PNMA3: variants seen among roughly 807,000 people sequenced by gnomAD.
PNMA3 encodes the protein PNMA family member 3.
A neutral mutation model predicts 25.1 loss-of-function variants in PNMA3; 10 were observed. The observed-to-expected ratio is 0.40, with a 90% CI of 0.25 to 0.68. PNMA3 has a LOEUF of 0.68. PNMA3 is among the 30% of genes least tolerant of loss of function. The probability of loss-of-function intolerance (pLI) is 0.40; values close to 1 mark genes in which losing one functional copy is unlikely to be tolerated. For synonymous variants in PNMA3, 134 were observed against 148.7 expected (o/e 0.90, Z 0.72); for missense variants, 317 against 372.1 (o/e 0.85, Z 1.22).
rs898039942 is a variant in PNMA3 at position 153,057,171 on chromosome X, T to G, written c.116T>G (p.Leu39Arg). The G allele has an allele frequency of 2.5e-6, 3 of 1,211,625 alleles. No individual in the cohort carries two copies. The Admixed American group carries it at 6.5e-5, about 26-fold the overall frequency. ...DCGEDEFEETLQEACRHLGRY... is the reference protein window; with the variant it reads ...DCGEDEFEETRQEACRHLGRY... ...GGCGAGGATGAGTTTGAGGAGACAC[T>G]CCAGGAGGCTTGCAGGCACCTGGGC... The change falls in exon 2 of 2, where the codon CTC becomes CGC. Residue 39 changes from leucine to arginine, a missense_variant. Coordinates refer to ENST00000593810, the MANE Select transcript of PNMA3 (RefSeq NM_013364.6).
rs782584930 is a variant in PNMA3, at chrX:153,058,342, C to T, written c.1287C>T (p.Asn429=). ...EDGHIRVQCI[N]PSNLLLVKQK... is the part of the protein sequence containing the mutation. ...GCCACATCAGGGTACAGTGCATCAA[C>T]CCCTCCAACCTGCTCTTGGTAAAGC... Residue 429 remains asparagine (N), a synonymous_variant, in exon 2 of 2, where the codon AAC becomes AAT. Transcript: ENST00000593810. 5 of 1,210,642 alleles carry T rather than the reference C, an allele frequency of 4.1e-6. No homozygotes were observed. The African/African-American group carries it at 5.2e-5, about 13-fold the overall frequency.
At position 153,058,199 on chromosome X, in the gene PNMA3, G is replaced by C; in HGVS notation, c.1144G>C (p.Gly382Arg). ...GNSFDARPSQ[G>R]YRRRRGRGQH... is the part of the protein sequence containing the mutation. ...CAGTTTTGATGCGAGGCCTTCCCAG[G>C]GCTACCGGCGCCGGAGGGGCAGAGG... Residue 382 changes from glycine (G) to arginine (R), a missense_variant, in exon 2 of 2, where the codon GGC becomes CGC. Physicochemically the swap from Gly to Arg is moderately radical, Grantham distance 125. Transcript: ENST00000593810. 1 of 1,211,865 alleles carries C rather than the reference G, an allele frequency of 8.3e-7. No homozygotes were observed. Among genetic ancestry groups the C allele is most frequent in the Non-Finnish European group, 1.1e-6 (1 of 895,440 alleles).
chrX:153,058,761 A>T lies in PNMA3; in HGVS notation c.*314A>T, dbSNP rs782189985. 1 of 524,621 alleles carries T rather than the reference A, an allele frequency of 1.9e-6. No homozygotes were observed. The highest frequency in any genetic ancestry group is 3.1e-6 in the Non-Finnish European group (1 of 320,118). 43.2% of individuals were successfully genotyped at this position (524,621 alleles called of 1,213,427 possible). On this transcript the variant is annotated 3_prime_UTR_variant, in exon 2 of 2. Transcript: ENST00000593810. The stretch of plus-strand genomic sequence containing the variant: ...CAGATGGGGACCCCAAAGAAGCAGA[A>T]GCTGAAGAAGGTACGGCTGGGGGTT...
rs55968837 is a variant in PNMA3 at position 153,060,179 on chromosome X, T to C, written c.*1732T>C. On this transcript the variant is annotated 3_prime_UTR_variant, in exon 2 of 2. Coordinates refer to ENST00000593810, the MANE Select transcript of PNMA3 (RefSeq NM_013364.6). ...AGGGCCCTGCCCCAGCAGATGGGCT[T>C]GGGAGGGGACTCCCTAAAGCCAGTG... 0.036 allele frequency: 4,475 copies of C among 123,259 alleles called. 172 individuals carry two copies. Among genetic ancestry groups the C allele is most frequent in the African/African-American group, 0.1 (3,151 of 30,207 alleles). The allele number at this position is 123,259 out of a possible 1,213,427, so 10.2% of individuals were successfully genotyped here.
Position 153,057,232 on chromosome X carries a change from G to A in PNMA3, c.177G>A (p.Glu59=). The A allele has an allele frequency of 8.3e-7, 1 of 1,211,928 alleles. No homozygotes were observed. Among genetic ancestry groups the A allele is most frequent in the East Asian group, 3.0e-5 (1 of 33,829 alleles). The change falls in exon 2 of 2, where the codon GAG becomes GAA. Residue 59 remains glutamate, a synonymous_variant. Coordinates refer to ENST00000593810, the MANE Select transcript of PNMA3 (RefSeq NM_013364.6). ...YRVIGRMFRR[E]ENAQAILLEL... is the part of the protein sequence containing the mutation. ...TGATTGGCAGGATGTTTAGGAGGGA[G>A]GAGAACGCCCAGGCGATTCTACTGG...
At position 153,057,856 on chromosome X, in the gene PNMA3, T is replaced by C; in HGVS notation, c.801T>C (p.Phe267=). Residue 267 remains phenylalanine (F), a synonymous_variant, in exon 2 of 2, where the codon TTT becomes TTC. Transcript: ENST00000593810. ...AGGCAGGAGAGAAAGTATCTAGCTT[T>C]GTGTTACGTTTGGAACCCCTGCTCC... ...YQEAGEKVSS[F]VLRLEPLLQR... 8.2e-7 allele frequency: 1 copy of C among 1,212,402 alleles called. No individual in the cohort carries two copies. Among genetic ancestry groups the C allele is most frequent in the Middle Eastern group, 2.3e-4 (1 of 4,355 alleles).
Position 153,057,577 on chromosome X carries a change from C to T in PNMA3, c.522C>T (p.Ile174=). 8.3e-7 allele frequency: 1 copy of T among 1,211,398 alleles called. No individual in the cohort carries two copies. Among genetic ancestry groups the T allele is most frequent in the Non-Finnish European group, 1.1e-6 (1 of 895,449 alleles). ...TGTTTTCTGGGAACACCATATCCAT[C>T]CCAGGTGCACTGGCCTTTGATGCCT... ...LRVFSGNTIS[I]PGALAFDAWL... Residue 174 remains isoleucine, a synonymous_variant, in exon 2 of 2, where the codon ATC becomes ATT. Coordinates refer to ENST00000593810, the MANE Select transcript of PNMA3 (RefSeq NM_013364.6).
At position 153,058,689 on chromosome X, in the gene PNMA3, A is replaced by G; in HGVS notation, c.*242A>G. 4.1e-6 allele frequency: 4 copies of G among 979,917 alleles called. No individual in the cohort carries two copies. The highest frequency in any genetic ancestry group is 3.9e-4 in the Middle Eastern group (1 of 2,548). 80.8% of individuals were successfully genotyped at this position (979,917 alleles called of 1,213,427 possible). On this transcript the variant is annotated 3_prime_UTR_variant, in exon 2 of 2. Transcript: ENST00000593810. ...CCAGGTCCCCGAAGAGGTGCTGGAG[A>G]GGAAAGCAGGGAGCCACTGCATCCA...
At position 153,056,931 on chromosome X, in the gene PNMA3, G is replaced by T. The variant is rs1193531024; in HGVS notation, c.-106-19G>T. On this transcript the variant is annotated intron_variant, in intron 1 of 1. Coordinates refer to ENST00000593810, the MANE Select transcript of PNMA3 (RefSeq NM_013364.6). Reference sequence around the variant, plus strand: ...AGAGGTGGGCATTAACCTCGCTCTCGCCCTGCTCGCATTCACAGGCTGTGG... The same window carrying T: ...AGAGGTGGGCATTAACCTCGCTCTCTCCCTGCTCGCATTCACAGGCTGTGG... The T allele has an allele frequency of 1.0e-6, 1 of 989,142 alleles. No individual in the cohort carries two copies. Among genetic ancestry groups the T allele is most frequent in the Non-Finnish European group, 1.4e-6 (1 of 734,484 alleles). The allele number at this position is 989,142 out of a possible 1,213,427, so 81.5% of individuals were successfully genotyped here. A position where few individuals can be genotyped will look rare whatever the true frequency, so the allele number is the denominator to read the frequency against.
Position 153,058,804 on chromosome X carries a change from C to G in PNMA3, c.*357C>G. ...TGGGGGTTCTGTCCTGCTCATCCAACCACCCCTAAATACCCACCCTGTGGA... is the reference window on the plus strand; with the variant it reads ...TGGGGGTTCTGTCCTGCTCATCCAAGCACCCCTAAATACCCACCCTGTGGA... On this transcript the variant is annotated 3_prime_UTR_variant, in exon 2 of 2. Coordinates refer to ENST00000593810, the MANE Select transcript of PNMA3 (RefSeq NM_013364.6). 2 of 441,310 alleles carry G rather than the reference C, an allele frequency of 4.5e-6. No homozygotes were observed. Among genetic ancestry groups the G allele is most frequent in the Admixed American group, 8.2e-5 (2 of 24,496 alleles). 36.4% of individuals were successfully genotyped at this position (441,310 alleles called of 1,213,427 possible).
chrX:153,057,683 C>G lies in PNMA3; in HGVS notation c.628C>G (p.Arg210Gly), dbSNP rs1319775989. The change falls in exon 2 of 2, where the codon CGG becomes GGG. Residue 210 changes from arginine (R) to glycine (G), a missense_variant. Transcript: ENST00000593810. ...EKRRRLMECL[R>G]GPALQVVSGL... ...GAGGCGGAGGCTGATGGAATGCTTA[C>G]GGGGCCCTGCTCTCCAGGTGGTCAG... 1.7e-6 allele frequency: 2 copies of G among 1,211,655 alleles called. No individual in the cohort carries two copies. The highest frequency in any genetic ancestry group is 3.5e-5 in the South Asian group (2 of 56,948).
chrX:153,058,494 A>G lies in PNMA3; in HGVS notation c.*47A>G, dbSNP rs2051160156. On this transcript the variant is annotated 3_prime_UTR_variant, in exon 2 of 2. Transcript: ENST00000593810. ...TTTCCTACCACAGGCCAAGGAGACA[A>G]AAGAGATATTGGAAGGAGGGGAAAG... 32 of 1,211,864 alleles carry G rather than the reference A, an allele frequency of 2.6e-5. No homozygotes were observed. Among genetic ancestry groups the G allele is most frequent in the Non-Finnish European group, 3.6e-5 (32 of 895,434 alleles).
rs782597055 is a variant in PNMA3 at position 153,059,653 on chromosome X, C to T, written c.*1206C>T. On this transcript the variant is annotated 3_prime_UTR_variant, in exon 2 of 2. Transcript: ENST00000593810. Reference sequence around the variant, plus strand: ...TGTAGTGACCCACGCGTCCAGCAGACGCCCACCCACCGCTAGCCGTTGTTC... The same window carrying T: ...TGTAGTGACCCACGCGTCCAGCAGATGCCCACCCACCGCTAGCCGTTGTTC... 8.0e-5 allele frequency: 10 copies of T among 124,370 alleles called. No individual in the cohort carries two copies. The highest frequency in any genetic ancestry group is 9.2e-5 in the Admixed American group (1 of 10,834). 10.2% of individuals were successfully genotyped at this position (124,370 alleles called of 1,213,427 possible). A position where few individuals can be genotyped will look rare whatever the true frequency, so the allele number is the denominator to read the frequency against.
At position 153,058,708 on chromosome X, in the gene PNMA3, G is replaced by T. The variant is rs1275635034; in HGVS notation, c.*261G>T. On this transcript the variant is annotated 3_prime_UTR_variant, in exon 2 of 2. Transcript: ENST00000593810. ...CTGGAGAGGAAAGCAGGGAGCCACT[G>T]CATCCAGCACATGGGGTGCCTGGGC... 18 of 857,837 alleles carry T rather than the reference G, an allele frequency of 2.1e-5. No homozygotes were observed. The East Asian group carries it at 5.8e-4, about 28-fold the overall frequency. 70.7% of individuals were successfully genotyped at this position (857,837 alleles called of 1,213,427 possible). A position where few individuals can be genotyped will look rare whatever the true frequency, so the allele number is the denominator to read the frequency against.
At position 153,057,860 on chromosome X, in the gene PNMA3, T is replaced by G; in HGVS notation, c.805T>G (p.Leu269Val). Residue 269 changes from leucine to valine, a missense_variant, in exon 2 of 2, where the codon TTA (leucine) becomes GTA (valine). Transcript: ENST00000593810. ...AGGAGAGAAAGTATCTAGCTTTGTG[T>G]TACGTTTGGAACCCCTGCTCCAAAG... Reference protein sequence around the residue: ...EAGEKVSSFVLRLEPLLQRAV... With the variant: ...EAGEKVSSFVVRLEPLLQRAV... The G allele has an allele frequency of 2.5e-6, 3 of 1,212,480 alleles. No individual in the cohort carries two copies. The highest frequency in any genetic ancestry group is 3.3e-6 in the Non-Finnish European group (3 of 895,656).
At position 153,059,568 on chromosome X, in the gene PNMA3, C is replaced by G. The variant is rs1556932749; in HGVS notation, c.*1121C>G. ...CTCCCAAGAGGGGTCCCCCAACTCA[C>G]TGTTCCCGGGACAGGCTGCCCCCTG... On this transcript the variant is annotated 3_prime_UTR_variant, in exon 2 of 2. Coordinates refer to ENST00000593810, the MANE Select transcript of PNMA3 (RefSeq NM_013364.6). The G allele has an allele frequency of 8.1e-6, 1 of 123,482 alleles. No individual in the cohort carries two copies. 10.2% of individuals were successfully genotyped at this position (123,482 alleles called of 1,213,427 possible). A position where few individuals can be genotyped will look rare whatever the true frequency, so the allele number is the denominator to read the frequency against.
At position 153,057,105 on chromosome X, in the gene PNMA3, C is replaced by G; in HGVS notation, c.50C>G (p.Thr17Ser). 8.3e-7 allele frequency: 1 copy of G among 1,211,491 alleles called. No individual in the cohort carries two copies. Among genetic ancestry groups the G allele is most frequent in the Non-Finnish European group, 1.1e-6 (1 of 895,375 alleles). ...TGGTGTCGGGGGGAACACCTGAACA[C>G]CCGGAGGTGCATGCTCATCCTGGGG... ...QDWCRGEHLN[T>S]RRCMLILGIP... The change falls in exon 2 of 2, where the codon ACC (threonine) becomes AGC (serine). Residue 17 changes from threonine to serine, a missense_variant. Transcript: ENST00000593810.
In PNMA3 at chrX:153,058,120, G is replaced by C; in HGVS notation, c.1065G>C (p.Arg355Ser). 1.7e-6 allele frequency: 2 copies of C among 1,211,785 alleles called. No individual in the cohort carries two copies. The highest frequency in any genetic ancestry group is 2.2e-6 in the Non-Finnish European group (2 of 895,502). ...ESLEGLEVAP[R>S]PPARITGVGA... Reference sequence around the variant, plus strand: ...TGGAGGGGCTGGAAGTAGCCCCAAGGCCACCTGCCAGGATCACTGGGGTTG... The same window carrying C: ...TGGAGGGGCTGGAAGTAGCCCCAAGCCCACCTGCCAGGATCACTGGGGTTG... Residue 355 changes from arginine (R) to serine (S), a missense_variant, in exon 2 of 2, where the codon AGG (arginine) becomes AGC (serine). Coordinates refer to ENST00000593810, the MANE Select transcript of PNMA3 (RefSeq NM_013364.6).
rs1414556048 is a variant in PNMA3, at chrX:153,058,912, GC to G, written c.*467del. The G allele has an allele frequency of 1.1e-5, 3 of 265,030 alleles. No individual in the cohort carries two copies. In the Admixed American group the frequency reaches 1.7e-4, roughly 15 times the overall value. The allele number at this position is 265,030 out of a possible 1,213,427, so 21.8% of individuals were successfully genotyped here. ...CTGGGGCCTGCCCCTGCCAGCAGGT[GC>G]CAGGGCTGGTGAGGAAGAGCTGGGG... On this transcript the variant is annotated 3_prime_UTR_variant, in exon 2 of 2. Coordinates refer to ENST00000593810, the MANE Select transcript of PNMA3 (RefSeq NM_013364.6).
Sources: allele counts gnomAD v4.1 joint callset, GRCh38; gene constraint gnomAD v4.1.1; transcripts MANE v1.5; gene names NCBI Gene and HGNC (gene_info 2026-07-23, HGNC 2026-07-21).